Variants in LRP1B observed in about 807,000 individuals in gnomAD.
The protein encoded by LRP1B is low-density lipoprotein receptor-related protein 1B.
In LRP1B, 217 loss-of-function variants were observed where a neutral mutation model predicts 556.6. The ratio of observed to expected loss-of-function variants is 0.39; its 90% CI spans 0.35 to 0.44. The LOEUF (loss-of-function observed/expected upper bound fraction) is 0.44, where lower values mean the gene tolerates loss of function less well. Ranked by LOEUF, LRP1B falls within the 20% of genes least tolerant of loss-of-function variation. The pLI is 1.00. For synonymous variants in LRP1B, 2,047 were observed against 1,865.8 expected, an observed-to-expected ratio of 1.10 and a Z score of -2.50; for missense variants, 5,053 against 5,620.8, an observed-to-expected ratio of 0.90 and a Z score of 3.23.
chr2:141,118,415 A>G (rs1700960211), intron 7 of LRP1B, among the ~76,000 whole-genome samples: 4 of 151,924 alleles, frequency 2.6e-5, no homozygotes, highest in Admixed American at 2.6e-4. Context: ...TAACTTTTCA[A>G]CTTTCTTTTT....
intron 1 of LRP1B, among the ~76,000 whole-genome samples, chr2:142,052,629 A>C (rs1018693807): frequency 4.6e-5 from 7 of 152,082 alleles, no homozygotes; most frequent in Admixed American, 2.6e-4. Context: ...GCTGATGTCC[A>C]GGTGCGCTCT....
At chr2:141,889,782 G>T (rs1165277308) in intron 1 of LRP1B, among the ~76,000 whole-genome samples, 1 of 151,978 alleles carries the variant, frequency 6.6e-6, no homozygotes, top group Non-Finnish European at 1.5e-5. Flanking sequence ...AAATAATAAT[G>T]GAAGCAGGAC....
intron 84 of LRP1B, among the ~76,000 whole-genome samples, chr2:140,286,976 A>T (rs368227494): frequency 6.6e-6 from 1 of 151,822 alleles, no homozygotes; most frequent in South Asian, 2.1e-4. Flanking sequence ...GATGATGAAA[A>T]TAATAGTTTG....
chr2:140,828,207 T>A (rs963027611), intron 31 of LRP1B, among the ~76,000 whole-genome samples: 13 of 152,122 alleles, frequency 8.5e-5, no homozygotes, highest in African/African-American at 3.1e-4. Context: ...AAAGTAAGTA[T>A]AAAGACAAAT....
intron 3 of LRP1B, among the ~76,000 whole-genome samples, chr2:141,406,168 T>C (rs1447360771): frequency 1.3e-5 from 2 of 152,134 alleles, no homozygotes; most frequent in Non-Finnish European, 2.9e-5. Context: ...ACACAAAGCT[T>C]TTATTCCTAA....
chr2:141,469,987 G>A (rs1682398569), intron 3 of LRP1B, among the ~76,000 whole-genome samples: 3 of 152,120 alleles, frequency 2.0e-5, no homozygotes, highest in African/African-American at 7.2e-5. Context: ...ATGTCTTACT[G>A]AGCCTAATTT....
At chr2:140,675,226 C>T (rs899924481) in intron 41 of LRP1B, among the ~76,000 whole-genome samples, 3 of 152,156 alleles carry the variant, frequency 2.0e-5, no homozygotes, top group Non-Finnish European at 4.4e-5. Context: ...CTACAAATAC[C>T]TTTGCAACAC....
chr2:141,760,827 C>A (rs911073091), intron 2 of LRP1B, among the ~76,000 whole-genome samples: 3 of 152,180 alleles, frequency 2.0e-5, no homozygotes, highest in African/African-American at 7.2e-5. Flanking sequence ...TCACTTGTAA[C>A]ATGGTGCTTT....
At chr2:141,477,564 A>G (rs914966733) in intron 3 of LRP1B, among the ~76,000 whole-genome samples, 1 of 152,200 alleles carries the variant, frequency 6.6e-6, no homozygotes, top group African/African-American at 2.4e-5. Flanking sequence ...CACAAACTAT[A>G]TAAACGTTGC....
Position 141,882,995 on chromosome 2 carries a change from G to A in LRP1B, c.83-72594C>T, listed in dbSNP as rs140694567. Reference sequence around the variant, plus strand: ...ACCAAAGGCATTGCGGCTAAAGTACGCAGCTATTCATCTTCCTTATGGTTA... The same window carrying A: ...ACCAAAGGCATTGCGGCTAAAGTACACAGCTATTCATCTTCCTTATGGTTA... On this transcript the variant is annotated intron_variant, in intron 1 of 90. Coordinates refer to ENST00000389484, the MANE Select transcript of LRP1B (RefSeq NM_018557.3). Among the ~76,000 whole-genome samples, 325 of 152,264 alleles carry A rather than the reference G, an allele frequency of 2.1e-3. 2 individuals carry two copies. Among genetic ancestry groups the A allele is most frequent in the Middle Eastern group, 6.8e-3 (2 of 294 alleles).
chr2:140,814,770 G>A (rs1397712237), intron 31 of LRP1B, among the ~76,000 whole-genome samples: 1 of 152,146 alleles, frequency 6.6e-6, no homozygotes, highest in African/African-American at 2.4e-5. Context: ...GCAAGTGAGT[G>A]AATCAAGCCA....
At chr2:141,070,212 G>A (rs574889156) in intron 7 of LRP1B, among the ~76,000 whole-genome samples, 13 of 151,646 alleles carry the variant, frequency 8.6e-5, no homozygotes, top group East Asian at 5.8e-4. Flanking sequence ...ACTCAAAACC[G>A]CTCAACTACA....
chr2:141,536,142 A>T lies in LRP1B; in HGVS notation c.206-55609T>A, dbSNP rs1685063533. Among the ~76,000 whole-genome samples the T allele has an allele frequency of 3.3e-5, 5 of 152,218 alleles. No homozygotes were observed. In the South Asian group the frequency reaches 1.0e-3, roughly 32 times the overall value. On this transcript the variant is annotated intron_variant, in intron 2 of 90. Transcript: ENST00000389484. The stretch of plus-strand genomic sequence containing the variant: ...TTTGATCCAAAAGCGCAACACTTTA[A>T]AATGTTTATTTAAACCATTATTCCA...
chr2:141,687,074 T>C (rs1200758579), intron 2 of LRP1B, among the ~76,000 whole-genome samples: 1 of 152,000 alleles, frequency 6.6e-6, no homozygotes, highest in Non-Finnish European at 1.5e-5. Flanking sequence ...CTAAGAAAGA[T>C]AAGAAGTGTA....
chr2:140,446,878 A>C (rs1686680964), intron 63 of LRP1B, among the ~76,000 whole-genome samples: 1 of 152,160 alleles, frequency 6.6e-6, no homozygotes, highest in Admixed American at 6.6e-5. Flanking sequence ...CAACAGAGTA[A>C]AGAGACAATC....
intron 41 of LRP1B, among the ~76,000 whole-genome samples, chr2:140,605,304 T>C (rs1431349947): frequency 1.3e-5 from 2 of 152,200 alleles, no homozygotes; most frequent in Middle Eastern, 3.4e-3. Context: ...GAGCCTAAAA[T>C]AAGAAGTTCC....
intron 7 of LRP1B, among the ~76,000 whole-genome samples, chr2:141,110,764 AG>A (rs1435541177): frequency 1.4e-4 from 22 of 152,242 alleles, no homozygotes; most frequent in African/African-American, 5.1e-4. Context: ...ACCACACCTA[AG>A]AGGGGATTTA....
intron 3 of LRP1B, among the ~76,000 whole-genome samples, chr2:141,290,168 C>T (rs1394501312): frequency 6.6e-6 from 1 of 152,092 alleles, no homozygotes; most frequent in Admixed American, 6.5e-5. Context: ...TATTTAAACA[C>T]CCTTTTATGG....
Position 142,026,621 on chromosome 2 carries a change from C to T in LRP1B, c.82+104027G>A, listed in dbSNP as rs192522842. Among the ~76,000 whole-genome samples the T allele has an allele frequency of 1.4e-3, 211 of 152,026 alleles. 1 individual carries two copies. Among genetic ancestry groups the T allele is most frequent in the African/African-American group, 4.7e-3 (195 of 41,480 alleles). On this transcript the variant is annotated intron_variant, in intron 1 of 90. Transcript: ENST00000389484. ...TAAAATCTTTTTCTAGACAGTGATG[C>T]CAGTTGGCATTTATGCTACGGCCAA...
Sources: gnomAD v4.1 joint callset for allele counts (sites outside exome capture counted in the v4.1 genomes callset) on GRCh38, gnomAD v4.1.1 for gene constraint, MANE v1.5 for transcripts, NCBI Gene and HGNC (gene_info 2026-07-23, HGNC 2026-07-21) for gene names.